C1orf146: variants seen among roughly 807,000 people sequenced by gnomAD.
C1orf146 encodes protein SPO16 homolog.
Under a neutral mutation model 23.0 loss-of-function variants are expected in C1orf146, and 22 were observed. That is an observed-to-expected ratio of 0.96 (90% CI 0.68 to 1.36). C1orf146 has a LOEUF of 1.36. Ranked by LOEUF, C1orf146 falls within the 40% of genes most tolerant of loss-of-function variation. The pLI is 0.00. For missense variants in C1orf146, 199 were observed against 206.8 expected, an observed-to-expected ratio of 0.96 and a Z score of 0.23; for synonymous variants, 59 against 65.3, an observed-to-expected ratio of 0.90 and a Z score of 0.47.
At chr1:92,233,739 T>A (rs1417257966) in intron 2 of C1orf146, among the ~76,000 whole-genome samples, 1 of 152,214 alleles carries the variant, frequency 6.6e-6, no homozygotes, top group Admixed American at 6.5e-5. Flanking sequence ...TTCCTACCCA[T>A]GAGCATGGAA....
rs754586391 is a variant in C1orf146, at chr1:92,231,493, G to GGGCA, written c.66+8_66+11dup. 1.3e-5 allele frequency: 21 copies of GGGCA among 1,584,754 alleles called. No homozygotes were observed. The highest frequency in any genetic ancestry group is 1.8e-5 in the Non-Finnish European group (21 of 1,165,818). ...TATTAGCTCATCTCTTAAGGTAAAGGGGCATTTGGGCCACTGATCTTTAAC... is the reference window on the plus strand; with the variant it reads ...TATTAGCTCATCTCTTAAGGTAAAGGGGCAGGCATTTGGGCCACTGATCTTTAAC... On this transcript the variant is annotated splice_region_variant and intron_variant, in intron 2 of 5. Coordinates refer to ENST00000370375, the MANE Select transcript of C1orf146 (RefSeq NM_001012425.2).
rs74880285 is a variant in C1orf146 at position 92,231,176 on chromosome 1, G to A, written c.-39-206G>A. On this transcript the variant is annotated intron_variant, in intron 1 of 5. Transcript: ENST00000370375. ...TTCTTTGAAGTTAGTGTGCTGAAATGGGAATCATTGCTTTTGATACTTGTT... is the reference window on the plus strand; with the variant it reads ...TTCTTTGAAGTTAGTGTGCTGAAATAGGAATCATTGCTTTTGATACTTGTT... 7.9e-5 allele frequency among the ~76,000 whole-genome samples: 12 copies of A among 152,272 alleles called. No individual in the cohort carries two copies. In the East Asian group the frequency reaches 2.3e-3, roughly 29 times the overall value.
In C1orf146 at chr1:92,231,385, G is replaced by T. The variant is rs751172109; in HGVS notation, c.-36G>T. 1 of 1,433,776 alleles carries T rather than the reference G, an allele frequency of 7.0e-7. No homozygotes were observed. Among genetic ancestry groups the T allele is most frequent in the Non-Finnish European group, 9.5e-7 (1 of 1,047,128 alleles). 88.8% of individuals were successfully genotyped at this position (1,433,776 alleles called of 1,614,324 possible). A position where few individuals can be genotyped will look rare whatever the true frequency, so the allele number is the denominator to read the frequency against. On this transcript the variant is annotated 5_prime_UTR_variant, in exon 2 of 6. Coordinates refer to ENST00000370375, the MANE Select transcript of C1orf146 (RefSeq NM_001012425.2). ...TTTGTGTTCTTAATTTTCTCAGATT[G>T]TTGCACCATTAGAAGCTAGGTTGAT...
intron 2 of C1orf146, 23 bp from the exon 3 acceptor site, chr1:92,242,189 A>G (rs1652447504): frequency 1.4e-6 from 2 of 1,408,052 alleles, no homozygotes; most frequent in South Asian, 2.5e-5. Context: ...TTAAATTTGT[A>G]TTTCTGATAT....
chr1:92,224,016 A>T (rs778856415), intron 1 of C1orf146, among the ~76,000 whole-genome samples: 65 of 12,362 alleles, frequency 5.3e-3, no homozygotes, highest in African/African-American at 0.018. Context: ...GTTTTATTTT[A>T]TTTATTTATT....
intron 3 of C1orf146, 137 bp downstream of exon 3, chr1:92,242,442 A>G (rs1178446873): frequency 3.1e-6 from 1 of 325,042 alleles, no homozygotes; most frequent in Non-Finnish European, 4.9e-6. Flanking sequence ...TTACTACTAC[A>G]AACAGTCCAT....
chr1:92,242,332 A>G, intron 3 of C1orf146, 27 bp downstream of exon 3: 1 of 1,187,872 alleles, frequency 8.4e-7, no homozygotes, highest in Non-Finnish European at 1.2e-6. Flanking sequence ...CACTGCCTTA[A>G]GTTTCTTATG....
intron 1 of C1orf146, among the ~76,000 whole-genome samples, chr1:92,223,555 G>GA (rs1651888909): frequency 1.3e-5 from 2 of 151,896 alleles, no homozygotes; most frequent in Non-Finnish European, 2.9e-5. Flanking sequence ...TGTTTTTTGA[G>GA]AAAGTCTTGC....
At chr1:92,221,170 G>T (rs1445386571) in intron 1 of C1orf146, among the ~76,000 whole-genome samples, 2 of 152,146 alleles carry the variant, frequency 1.3e-5, no homozygotes, top group East Asian at 3.8e-4. Context: ...AAGAAATCAT[G>T]TCCTTTACAG....
At chr1:92,218,873 C>G (rs1336304078) in intron 1 of C1orf146, among the ~76,000 whole-genome samples, 1 of 152,154 alleles carries the variant, frequency 6.6e-6, no homozygotes, top group Non-Finnish European at 1.5e-5. Context: ...GGAGCTTTTC[C>G]CCAGAAATGC....
intron 2 of C1orf146, among the ~76,000 whole-genome samples, chr1:92,241,860 A>C (rs1408326031): frequency 6.6e-6 from 1 of 152,118 alleles, no homozygotes; most frequent in Admixed American, 6.5e-5. Flanking sequence ...CAGGAGTCTA[A>C]AGTCAGCGTG....
chr1:92,230,481 T>TG (rs1017936727), intron 1 of C1orf146, among the ~76,000 whole-genome samples: 15 of 151,270 alleles, frequency 9.9e-5, no homozygotes, highest in South Asian at 2.1e-4. Context: ...CTGGGTGTGG[T>TG]GGGGGGCGCC....
rs546777355 is a variant in C1orf146, at chr1:92,222,259, T to A, written c.-40+4211T>A. Among the ~76,000 whole-genome samples the A allele has an allele frequency of 3.3e-5, 5 of 152,188 alleles. No homozygotes were observed. The South Asian group carries it at 1.0e-3, about 32-fold the overall frequency. On this transcript the variant is annotated intron_variant, in intron 1 of 5. Transcript: ENST00000370375. ...CCGTCTCAAAAAATAAATACAGGCA[T>A]TTGTGTGCATGTGTGTCTATATTGT...
At chr1:92,244,679 A>G in intron 4 of C1orf146, 100 bp from the exon 5 acceptor site, 1 of 788,140 alleles carries the variant, frequency 1.3e-6, no homozygotes, top group South Asian at 1.8e-5. Flanking sequence ...GAATGCATAG[A>G]CAAATAACAA....
intron 1 of C1orf146, among the ~76,000 whole-genome samples, chr1:92,221,115 A>C (rs1421384083): frequency 6.6e-6 from 1 of 152,236 alleles, no homozygotes; most frequent in Non-Finnish European, 1.5e-5. Context: ...TTGGATAAAG[A>C]AAATGAACAT....
intron 1 of C1orf146, among the ~76,000 whole-genome samples, chr1:92,227,224 G>A (rs1004433090): frequency 1.6e-4 from 24 of 151,956 alleles, no homozygotes; most frequent in African/African-American, 5.8e-4. Context: ...TTCCATGTGG[G>A]ATCATTTGCC....
chr1:92,232,989 A>G (rs1652171572), intron 2 of C1orf146, among the ~76,000 whole-genome samples: 1 of 151,904 alleles, frequency 6.6e-6, no homozygotes, highest in African/African-American at 2.4e-5. Flanking sequence ...GTTTGAGTTC[A>G]TTGTAGATTC....
chr1:92,242,650 C>CA (rs749627584), intron 3 of C1orf146, among the ~76,000 whole-genome samples: 18 of 151,604 alleles, frequency 1.2e-4, no homozygotes, highest in African/African-American at 2.4e-4. Flanking sequence ...AACTGATATA[C>CA]AAAAAAAATA....
At chr1:92,219,496 C>CT (rs71091269) in intron 1 of C1orf146, among the ~76,000 whole-genome samples, 11,660 of 80,840 alleles carry the variant, frequency 0.14, 1,360 homozygotes, top group Non-Finnish European at 0.19. Context: ...CTTTCTCTTT[C>CT]TTTTTTTTTT....
Sources: allele counts gnomAD v4.1 joint callset (sites outside exome capture counted in the v4.1 genomes callset), GRCh38; gene constraint gnomAD v4.1.1; transcripts MANE v1.5; gene names NCBI Gene and HGNC (gene_info 2026-07-23, HGNC 2026-07-21).